The following TTN variants were observed in gnomAD, a reference collection of about 807,000 sequenced individuals.
The protein encoded by TTN is connectin.
In TTN, 1,525 loss-of-function variants were observed where a neutral mutation model predicts 3,223.0. The ratio of observed to expected loss-of-function variants is 0.47; its 90% CI spans 0.45 to 0.49. The LOEUF (loss-of-function observed/expected upper bound fraction) is 0.49. TTN is among the 20% of genes least tolerant of loss of function. The probability of loss-of-function intolerance (pLI) is 0.00; values close to 1 mark genes in which losing one functional copy is unlikely to be tolerated. For synonymous variants in TTN, 14,094 were observed against 15,161.0 expected (o/e 0.93, Z 5.17); for missense variants, 40,786 against 43,424.0 (o/e 0.94, Z 5.40).
chr2:178,629,927 G>A (rs2059588797), intron 239 of TTN, among the ~76,000 whole-genome samples: 1 of 152,088 alleles, frequency 6.6e-6, no homozygotes, highest in Admixed American at 6.6e-5. Flanking sequence ...AGCCACTTGA[G>A]GGAAGTGGTC....
Position 178,620,926 on chromosome 2 carries a change from G to A in TTN, c.45684C>T (p.Asn15228=), listed in dbSNP as rs1553716962. 1 of 1,612,294 alleles carries A rather than the reference G, an allele frequency of 6.2e-7. No homozygotes were observed. The highest frequency in any genetic ancestry group is 8.5e-7 in the Non-Finnish European group (1 of 1,179,128). The change falls in exon 247 of 363, where the codon AAC becomes AAT. Residue 15228 remains asparagine, a synonymous_variant. Coordinates refer to ENST00000589042, the MANE Select transcript of TTN (RefSeq NM_001267550.2). ...RVKEQQEVVF[N]CEVNTEGAKA... ...TGGCACCTTCAGTATTGACTTCACA[G>A]TTGAAGACAACTTCCTGTTGTTCCT...
At position 178,557,716 on chromosome 2, in the gene TTN, T is replaced by G. The variant is rs780358002; in HGVS notation, c.87638A>C (p.Lys29213Thr). The change falls in exon 328 of 363, where the codon AAG becomes ACG. Residue 29213 changes from lysine (K) to threonine (T), a missense_variant. By Grantham distance (78) the Lys-to-Thr change is moderately conservative (BLOSUM62 -1). Transcript: ENST00000589042. ...ACTGATGCCAAAGCGGTTTTCTGCC[T>G]TGATGCGGAATTGGTATTCTTCTCC... ...TTGEEYQFRI[K>T]AENRFGISDH... is the part of the protein sequence containing the mutation. 3 of 1,613,966 alleles carry G rather than the reference T, an allele frequency of 1.9e-6. No individual in the cohort carries two copies. Among genetic ancestry groups the G allele is most frequent in the Non-Finnish European group, 2.5e-6 (3 of 1,179,850 alleles).
Position 178,586,626 on chromosome 2 carries a change from G to A in TTN, c.64275C>T (p.Ser21425=). Residue 21425 remains serine (S), a synonymous_variant, in exon 308 of 363, where the codon AGC becomes AGT. Transcript: ENST00000589042. ...WTEYSVVKDL[S]LVVTGLKEGK... ...CTTCCTTTAGGCCAGTGACAACAAG[G>A]CTCAGATCTTTTACCACTGAGTACT... 1 of 1,613,108 alleles carries A rather than the reference G, an allele frequency of 6.2e-7. No homozygotes were observed. Among genetic ancestry groups the A allele is most frequent in the South Asian group, 1.1e-5 (1 of 91,054 alleles).
chr2:178,604,186 A>AG lies in TTN; in HGVS notation c.54500dup (p.Gly18168TrpfsTer50). ...AAACTTTTGGTTTTCCTGGAGGTCC[A>AG]GGAAGGCGATAAGGATCTTGAATGA... is the stretch of plus-strand genomic sequence containing the variant. On this transcript the variant is annotated frameshift_variant, in exon 282 of 363. Coordinates refer to ENST00000589042, the MANE Select transcript of TTN (RefSeq NM_001267550.2). LOFTEE classifies it high-confidence loss of function. The AG allele has an allele frequency of 6.2e-7, 1 of 1,612,144 alleles. No individual in the cohort carries two copies. Among genetic ancestry groups the AG allele is most frequent in the Non-Finnish European group, 8.5e-7 (1 of 1,178,910 alleles).
chr2:178,545,120 T>C (rs1364441504), intron 344 of TTN, among the ~76,000 whole-genome samples: 1 of 152,220 alleles, frequency 6.6e-6, no homozygotes, highest in Non-Finnish European at 1.5e-5. Flanking sequence ...AAGGAAAATT[T>C]ATAAAATAGA....
intron 104 of TTN, 38 bp from the exon 105 acceptor site, chr2:178,704,815 T>C: frequency 6.2e-7 from 1 of 1,607,750 alleles, no homozygotes; most frequent in Non-Finnish European, 8.5e-7. Context: ...TTGTTACTCC[T>C]TCCCTTATAA....
rs1455982654 is a variant in TTN, at chr2:178,720,203, C to T, written c.23439G>A (p.Glu7813=). 1 of 1,613,746 alleles carries T rather than the reference C, an allele frequency of 6.2e-7. No individual in the cohort carries two copies. The highest frequency in any genetic ancestry group is 1.3e-5 in the African/African-American group (1 of 75,048). The change falls in exon 81 of 363, where the codon GAG becomes GAA. Residue 7813 remains glutamate (E), a synonymous_variant. Coordinates refer to ENST00000589042, the MANE Select transcript of TTN (RefSeq NM_001267550.2). The part of the protein sequence containing the change: ...DTSTLIGDAV[E]LRAIVEGFQP... ...GGAAGCCCTCCACTATGGCCCGTAA[C>T]TCAACAGCATCCCCAATAAGGGTTG...
At position 178,735,587 on chromosome 2, in the gene TTN, T is replaced by C. The variant is rs1185185647; in HGVS notation, c.14859A>G (p.Lys4953=). 6.2e-7 allele frequency: 1 copy of C among 1,613,210 alleles called. No individual in the cohort carries two copies. Among genetic ancestry groups the C allele is most frequent in the South Asian group, 1.1e-5 (1 of 90,974 alleles). ...ATLEIPLAKL[K]DSGTYVCTAS... is the part of the protein sequence containing the mutation. ...CTGTACAGACATAGGTTCCTGAATC[T>C]TTCAGTTTGGCCAAAGGAATCTCAA... Residue 4953 remains lysine, a synonymous_variant, in exon 50 of 363, where the codon AAA becomes AAG. Transcript: ENST00000589042.
At chr2:178,793,160 AC>A (rs1348358029) in intron 9 of TTN, among the ~76,000 whole-genome samples, 1 of 151,908 alleles carries the variant, frequency 6.6e-6, no homozygotes, top group Non-Finnish European at 1.5e-5. Flanking sequence ...ATGTGATGAG[AC>A]CCCTGTTTCT....
rs727505280 is a variant in TTN at position 178,548,960 on chromosome 2, C to T, written c.92666G>A (p.Gly30889Asp). 84 of 1,613,790 alleles carry T rather than the reference C, an allele frequency of 5.2e-5. No homozygotes were observed. The highest frequency in any genetic ancestry group is 6.8e-5 in the Non-Finnish European group (80 of 1,179,836). ...ACTAACTCGGAATTTGTATTCTTCACCTGCTTGTAGATCAGTGACTGTATA... is the reference window on the plus strand; with the variant it reads ...ACTAACTCGGAATTTGTATTCTTCATCTGCTTGTAGATCAGTGACTGTATA... ...TRYTVTDLQA[G>D]EEYKFRVSAI... The change falls in exon 339 of 363, where the codon GGT becomes GAT. Residue 30889 changes from glycine (G) to aspartate (D), a missense_variant. Coordinates refer to ENST00000589042, the MANE Select transcript of TTN (RefSeq NM_001267550.2). This position sits in a 1 kb window ranked among gnomAD's most constrained non-coding sequence, Gnocchi z 4.3.
intron 361 of TTN, 46 bp from the exon 362 acceptor site, chr2:178,527,794 T>G (rs1396155621): frequency 1.1e-5 from 17 of 1,504,126 alleles, no homozygotes; most frequent in Non-Finnish European, 1.5e-5. Flanking sequence ...GACATCTGGT[T>G]AATTGATGAC....
chr2:178,712,213 T>C lies in TTN; in HGVS notation c.27617A>G (p.Tyr9206Cys). 2 of 1,612,868 alleles carry C rather than the reference T, an allele frequency of 1.2e-6. No homozygotes were observed. Among genetic ancestry groups the C allele is most frequent in the Non-Finnish European group, 8.5e-7 (1 of 1,179,170 alleles). Residue 9206 changes from tyrosine (Y) to cysteine (C), a missense_variant, in exon 96 of 363, where the codon TAT becomes TGT. By Grantham distance (194) the Tyr-to-Cys change is radical. Transcript: ENST00000589042. ...AACCGGCTCCAACTGCTTGACAAAA[T>C]ACGGTGGTTCTGCAGCCAAGAGAGA... Reference protein sequence around the residue: ...SAQILILEPPYFVKQLEPVKV... With the variant: ...SAQILILEPPCFVKQLEPVKV...
intron 88 of TTN, among the ~76,000 whole-genome samples, chr2:178,716,870 T>C (rs2077563272): frequency 6.6e-6 from 1 of 152,160 alleles, no homozygotes; most frequent in Admixed American, 6.6e-5. Flanking sequence ...CTATTTTTAG[T>C]CTCTTAAAAT....
At position 178,556,882 on chromosome 2, in the gene TTN, C is replaced by G. The variant is rs9808036; in HGVS notation, c.88272G>C (p.Glu29424Asp). The change falls in exon 330 of 363, where the codon GAG becomes GAC. Residue 29424 changes from glutamate to aspartate, a missense_variant. Transcript: ENST00000589042. The part of the protein sequence containing the change: ...NAVGSISNPS[E>D]VVGPITCIDS... ...CGATGCAAGTAATGGGCCCTACAAC[C>G]TCAGATGGATTGCTAATGGAACCAA... 3.1e-6 allele frequency: 5 copies of G among 1,613,722 alleles called. No homozygotes were observed. The highest frequency in any genetic ancestry group is 4.2e-6 in the Non-Finnish European group (5 of 1,179,800).
rs1704727952 is a variant in TTN, at chr2:178,564,073, A to G, written c.82059T>C (p.Asn27353=). ...DGGQYILKLS[N]VGGTKSIPIT... is the part of the protein sequence containing the mutation. ...TGGGTATAGACTTTGTACCACCAAC[A>G]TTGCTGAGTTTCAGAATATATTGTC... Residue 27353 remains asparagine, a synonymous_variant, in exon 326 of 363, where the codon AAT becomes AAC. Transcript: ENST00000589042. 3 of 1,613,644 alleles carry G rather than the reference A, an allele frequency of 1.9e-6. No individual in the cohort carries two copies. Among genetic ancestry groups the G allele is most frequent in the African/African-American group, 1.3e-5 (1 of 74,900 alleles).
rs1164633288 is a variant in TTN, at chr2:178,720,259, G to A, written c.23383C>T (p.Pro7795Ser). The A allele has an allele frequency of 1.2e-6, 2 of 1,608,416 alleles. No individual in the cohort carries two copies. The highest frequency in any genetic ancestry group is 1.7e-5 in the Admixed American group (1 of 59,646). Residue 7795 changes from proline (P) to serine (S), a missense_variant, in exon 81 of 363, where the codon CCA (proline) becomes TCA (serine). Physicochemically the swap from Pro to Ser is moderately conservative, Grantham distance 74. Coordinates refer to ENST00000589042, the MANE Select transcript of TTN (RefSeq NM_001267550.2). The part of the protein sequence containing the change: ...CSCSVKFKEP[P>S]RFVKKLSDTS... ...TCACTTAGCTTTTTCACGAATCGTG[G>A]AGGTTCTGATGAAAGAAATTTGTGG...
rs752443804 is a variant in TTN at position 178,548,131 on chromosome 2, G to T, written c.93495C>A (p.His31165Gln). 6.2e-7 allele frequency: 1 copy of T among 1,613,882 alleles called. No homozygotes were observed. Among genetic ancestry groups the T allele is most frequent in the Non-Finnish European group, 8.5e-7 (1 of 1,179,808 alleles). ...KGSDFWVEAG[H>Q]TKQLTFTVER... ...CTACTGTGAAAGTTAGCTGTTTGGTGTGACCAGCTTCAACCCAGAAGTCAG... is the reference window on the plus strand; with the variant it reads ...CTACTGTGAAAGTTAGCTGTTTGGTTTGACCAGCTTCAACCCAGAAGTCAG... Residue 31165 changes from histidine (H) to glutamine (Q), a missense_variant, in exon 339 of 363, where the codon CAC (histidine) becomes CAA (glutamine). Coordinates refer to ENST00000589042, the MANE Select transcript of TTN (RefSeq NM_001267550.2). This position sits in a 1 kb window ranked among gnomAD's most constrained non-coding sequence, Gnocchi z 4.3.
At position 178,692,532 on chromosome 2, in the gene TTN, G is replaced by A. The variant is rs753460621; in HGVS notation, c.31643C>T (p.Pro10548Leu). 3.2e-6 allele frequency: 5 copies of A among 1,585,038 alleles called. No homozygotes were observed. Among genetic ancestry groups the A allele is most frequent in the Admixed American group, 1.8e-5 (1 of 55,434 alleles). Residue 10548 changes from proline (P) to leucine (L), a missense_variant, in exon 120 of 363, where the codon CCT becomes CTT. Transcript: ENST00000589042. ...TGGGGGCTCCACTTTTTTAGGGATA[G>A]GAACAGGGGCCACTTCTTCTGGAGC... Reference protein sequence around the residue: ...KPAPEEVAPVPIPKKVEPPAP... With the variant: ...KPAPEEVAPVLIPKKVEPPAP...
chr2:178,602,310 A>G lies in TTN; in HGVS notation c.55092T>C (p.Thr18364=). The part of the protein sequence containing the change: ...EAGESEPSDT[T]GEIPATDIQE... The stretch of plus-strand genomic sequence containing the variant: ...GAATATCAGTGGCAGGGATCTCCCC[A>G]GTTGTATCACTTGGTTCAGATTCAC... Residue 18364 remains threonine (T), a synonymous_variant, in exon 283 of 363, where the codon ACT becomes ACC. Transcript: ENST00000589042. The G allele has an allele frequency of 4.3e-6, 7 of 1,612,862 alleles. No individual in the cohort carries two copies. The highest frequency in any genetic ancestry group is 5.9e-6 in the Non-Finnish European group (7 of 1,179,270).
Sources: gnomAD v4.1 joint callset for allele counts (sites outside exome capture counted in the v4.1 genomes callset) on GRCh38, gnomAD v4.1.1 for gene constraint, Gnocchi (gnomAD v3.1) non-coding constraint, MANE v1.5 for transcripts, NCBI Gene and HGNC (gene_info 2026-07-23, HGNC 2026-07-21) for gene names.